Variants in WDSUB1 observed in about 807,000 individuals in gnomAD.
WDSUB1 encodes the protein WD repeat, sterile alpha motif and U-box domain containing 1, also known as WD repeat, SAM and U-box domain-containing protein 1.
In WDSUB1, 49 loss-of-function variants were observed where a neutral mutation model predicts 53.9. The ratio of observed to expected loss-of-function variants is 0.91; its 90% CI spans 0.72 to 1.15. The LOEUF is 1.15. Among genes scored for constraint, WDSUB1 ranks in the 50% most tolerant of loss-of-function variants. WDSUB1 has a pLI of 0.00. For missense variants in WDSUB1, 514 were observed against 562.0 expected, an observed-to-expected ratio of 0.91 and a Z score of 0.86; for synonymous variants, 194 against 200.6, an observed-to-expected ratio of 0.97 and a Z score of 0.28.
intron 5 of WDSUB1, among the ~76,000 whole-genome samples, chr2:159,270,413 C>T (rs1158368136): frequency 4.0e-5 from 6 of 150,736 alleles, no homozygotes; most frequent in Non-Finnish European, 8.9e-5. Context: ...CTAAAATTTA[C>T]ATGAAAATGT....
Position 159,257,757 on chromosome 2 carries a change from C to G in WDSUB1, c.952+1G>C. 1 of 1,613,068 alleles carries G rather than the reference C, an allele frequency of 6.2e-7. No homozygotes were observed. The highest frequency in any genetic ancestry group is 1.1e-5 in the South Asian group (1 of 91,038). Reference sequence around the variant, plus strand: ...GAGTGAAAAATGATGTCCTTACTAACCTTGGCAAAGTGTTTCCAGGTCAAA... The same window carrying G: ...GAGTGAAAAATGATGTCCTTACTAAGCTTGGCAAAGTGTTTCCAGGTCAAA... On this transcript the variant is annotated splice_donor_variant, in intron 8 of 10. Transcript: ENST00000359774. LOFTEE classifies it high-confidence loss of function.
In WDSUB1 at chr2:159,282,966, C is replaced by A. The variant is rs754336320; in HGVS notation, c.104G>T (p.Arg35Leu). 1 of 1,614,060 alleles carries A rather than the reference C, an allele frequency of 6.2e-7. No homozygotes were observed. The stretch of plus-strand genomic sequence containing the variant: ...AGTAAAGTCACGTAACGAGTACAGG[C>A]GAATTGTTTTGTCCAAGGAGCAAGT... ...LATCSLDKTI[R>L]LYSLRDFTEL... Residue 35 changes from arginine (R) to leucine (L), a missense_variant, in exon 2 of 11, where the codon CGC (arginine) becomes CTC (leucine). Coordinates refer to ENST00000359774, the MANE Select transcript of WDSUB1 (RefSeq NM_001128212.3).
intron 5 of WDSUB1, among the ~76,000 whole-genome samples, chr2:159,268,759 A>AGAATAAAGC (rs2061392809): frequency 6.6e-6 from 1 of 152,200 alleles, no homozygotes; most frequent in African/African-American, 2.4e-5. Flanking sequence ...GTTCCAGCCC[A>AGAATAAAGC]TTGCCTAACA....
At chr2:159,238,451 G>C (rs1384796595) in intron 10 of WDSUB1, among the ~76,000 whole-genome samples, 1 of 152,098 alleles carries the variant, frequency 6.6e-6, no homozygotes, top group East Asian at 1.9e-4. Flanking sequence ...CGCTCTGCAG[G>C]TTTCCCTTTT....
chr2:159,239,899 G>A (rs1023166169), intron 10 of WDSUB1, among the ~76,000 whole-genome samples: 8 of 152,148 alleles, frequency 5.3e-5, no homozygotes, highest in Non-Finnish European at 7.3e-5. Flanking sequence ...TGTTTCCTCC[G>A]TCCTAGAGAA....
intron 2 of WDSUB1, among the ~76,000 whole-genome samples, chr2:159,282,102 TC>T (rs2061676736): frequency 6.6e-6 from 1 of 152,080 alleles, no homozygotes; most frequent in Admixed American, 6.6e-5. Context: ...CAAGATTAAC[TC>T]TTAATTTTAA....
rs2061152706 is a variant in WDSUB1 at position 159,259,915 on chromosome 2, TTAAG to T, written c.771-76_771-73del. The T allele has an allele frequency of 1.9e-5, 25 of 1,348,010 alleles. 1 individual carries two copies. The South Asian group carries it at 3.5e-4, about 19-fold the overall frequency. The allele number at this position is 1,348,010 out of a possible 1,614,324, so 83.5% of individuals were successfully genotyped here. ...TACAGCATTTATGTAATTAGTATTTTTAAGTAATTTTAGTAACTTTTCTAGAAAA... is the reference window on the plus strand; with the variant it reads ...TACAGCATTTATGTAATTAGTATTTTTAATTTTAGTAACTTTTCTAGAAAA... On this transcript the variant is annotated intron_variant, in intron 5 of 10. Coordinates refer to ENST00000359774, the MANE Select transcript of WDSUB1 (RefSeq NM_001128212.3).
chr2:159,248,379 G>A lies in WDSUB1; in HGVS notation c.1266C>T (p.Ile422=), dbSNP rs200444346. ...ITRELMKDPV[I]ASDGYSYEKE... is the part of the protein sequence containing the mutation. ...GTATAGCATCACACATACCTGATGC[G>A]ATGACCGGATCTTTCATAAGTTCTC... is the stretch of plus-strand genomic sequence containing the variant. Residue 422 remains isoleucine, a synonymous_variant, in exon 10 of 11, where the codon ATC becomes ATT. Coordinates refer to ENST00000359774, the MANE Select transcript of WDSUB1 (RefSeq NM_001128212.3). The A allele has an allele frequency of 1.3e-4, 208 of 1,611,440 alleles. 1 individual carries two copies. In the Admixed American group the frequency reaches 1.8e-3, roughly 14 times the overall value.
chr2:159,242,102 G>T (rs2060667682), intron 10 of WDSUB1, among the ~76,000 whole-genome samples: 1 of 146,544 alleles, frequency 6.8e-6, no homozygotes. Context: ...CCAGGCTGGA[G>T]TGCAGTGGCA....
intron 5 of WDSUB1, 57 bp downstream of exon 5, chr2:159,271,645 T>C: frequency 7.1e-7 from 1 of 1,406,182 alleles, no homozygotes; most frequent in Non-Finnish European, 1.0e-6. Context: ...TACTTTTCCG[T>C]GTGTCTGTTT....
intron 9 of WDSUB1, among the ~76,000 whole-genome samples, chr2:159,250,358 G>A (rs1014426604): frequency 6.6e-6 from 1 of 152,166 alleles, no homozygotes; most frequent in Non-Finnish European, 1.5e-5. Context: ...TTCTTTACAT[G>A]TTGAATATGA....
chr2:159,272,596 T>G (rs1257768864), intron 4 of WDSUB1, among the ~76,000 whole-genome samples: 1 of 152,186 alleles, frequency 6.6e-6, no homozygotes, highest in Non-Finnish European at 1.5e-5. Flanking sequence ...ACTACCAAAA[T>G]TTTTAACTTT....
intron 9 of WDSUB1, among the ~76,000 whole-genome samples, chr2:159,250,088 C>CAAAAAAAAAAAAAAAA (rs374038625): frequency 4.8e-5 from 4 of 83,538 alleles, no homozygotes; most frequent in African/African-American, 7.1e-5. Context: ...GACTCTGCCT[C>CAAAAAAAAAAAAAAAA]AAAAAAAAAA....
In WDSUB1 at chr2:159,279,921, G is replaced by A; in HGVS notation, c.423C>T (p.Ser141=). The change falls in exon 3 of 11, where the codon TCC becomes TCT. Residue 141 remains serine (S), a synonymous_variant. Transcript: ENST00000359774. ...TAGGAGAAAATGCACATGCCGCCAAGGAGCCATCTTTAACACTACCACATC... is the reference window on the plus strand; with the variant it reads ...TAGGAGAAAATGCACATGCCGCCAAAGAGCCATCTTTAACACTACCACATC... ...LYRCGSVKDG[S]LAACAFSPNG... 1.2e-6 allele frequency: 2 copies of A among 1,611,540 alleles called. No individual in the cohort carries two copies. Among genetic ancestry groups the A allele is most frequent in the Non-Finnish European group, 1.7e-6 (2 of 1,178,318 alleles).
intron 5 of WDSUB1, among the ~76,000 whole-genome samples, chr2:159,261,644 T>C (rs2061190377): frequency 6.6e-6 from 1 of 151,850 alleles, no homozygotes; most frequent in South Asian, 2.1e-4. Context: ...GTCAGCAAGA[T>C]GGCAGAGTAT....
At chr2:159,283,283 G>T (rs2061714984) in intron 1 of WDSUB1, among the ~76,000 whole-genome samples, 190 bp from the exon 2 acceptor site, 1 of 152,178 alleles carries the variant, frequency 6.6e-6, no homozygotes, top group Admixed American at 6.5e-5. Context: ...CCCTGGACTG[G>T]GGTGTGGGGG....
At chr2:159,258,530 G>A (rs1339566965) in intron 6 of WDSUB1, among the ~76,000 whole-genome samples, 3 of 152,124 alleles carry the variant, frequency 2.0e-5, no homozygotes, top group Admixed American at 6.5e-5. Context: ...ATGGTGGCAC[G>A]TGCCTGTAGT....
chr2:159,273,717 G>A (rs2061486708), intron 4 of WDSUB1, among the ~76,000 whole-genome samples: 1 of 152,160 alleles, frequency 6.6e-6, no homozygotes, highest in African/African-American at 2.4e-5. Flanking sequence ...ACCACGCCCA[G>A]CCTTATGAAA....
chr2:159,237,477 C>T (rs891360900), intron 10 of WDSUB1, among the ~76,000 whole-genome samples: 1 of 151,538 alleles, frequency 6.6e-6, no homozygotes, highest in Non-Finnish European at 1.5e-5. Context: ...GCTGAGATCG[C>T]ACCACTGCAC....
Sources: allele counts gnomAD v4.1 joint callset (sites outside exome capture counted in the v4.1 genomes callset), GRCh38; gene constraint gnomAD v4.1.1; transcripts MANE v1.5; gene names NCBI Gene and HGNC (gene_info 2026-07-23, HGNC 2026-07-21).